PTPRK: variants seen among roughly 807,000 people sequenced by gnomAD.
PTPRK encodes the protein protein tyrosine phosphatase receptor type K.
In PTPRK, 75 loss-of-function variants were observed where a neutral mutation model predicts 178.0. The observed-to-expected ratio is 0.42, with a 90% CI of 0.35 to 0.51. PTPRK has a LOEUF of 0.51. Among genes scored for constraint, PTPRK ranks in the 20% least tolerant of loss-of-function variants. PTPRK has a pLI of 0.02. For synonymous variants in PTPRK, 637 were observed against 620.6 expected, an observed-to-expected ratio of 1.03 and a Z score of -0.39; for missense variants, 1,441 against 1,797.8, an observed-to-expected ratio of 0.80 and a Z score of 3.59.
chr6:128,127,041 A>T (rs1333903072), intron 7 of PTPRK, among the ~76,000 whole-genome samples: 1 of 152,042 alleles, frequency 6.6e-6, no homozygotes, highest in Non-Finnish European at 1.5e-5. Context: ...TGTTGAAAAG[A>T]CACTACTTTC....
intron 1 of PTPRK, among the ~76,000 whole-genome samples, chr6:128,430,837 G>A (rs1421214700): frequency 6.6e-6 from 1 of 152,122 alleles, no homozygotes. Context: ...GAGAAACCTG[G>A]AGACGTGAAC....
At chr6:128,494,989 C>T (rs1042940695) in intron 1 of PTPRK, among the ~76,000 whole-genome samples, 6 of 152,048 alleles carry the variant, frequency 3.9e-5, no homozygotes, top group Non-Finnish European at 8.8e-5. Context: ...CTCAACTCTC[C>T]GGTATGTGTT....
At chr6:128,030,475 A>G (rs1386581643) in intron 13 of PTPRK, among the ~76,000 whole-genome samples, 2 of 152,232 alleles carry the variant, frequency 1.3e-5, no homozygotes, top group Admixed American at 6.5e-5. Context: ...ACATCCTGAC[A>G]TTATCTGTAG....
chr6:128,024,393 C>T (rs1225157993), intron 13 of PTPRK, among the ~76,000 whole-genome samples: 4 of 152,084 alleles, frequency 2.6e-5, no homozygotes, highest in Non-Finnish European at 5.9e-5. Flanking sequence ...TCTTATTTAC[C>T]AGGATCATTT....
Position 128,330,966 on chromosome 6 carries a change from C to T in PTPRK, c.224-8656G>A, listed in dbSNP as rs1426988348. Among the ~76,000 whole-genome samples the T allele has an allele frequency of 3.9e-5, 6 of 152,192 alleles. 1 individual carries two copies. The highest frequency in any genetic ancestry group is 3.9e-4 in the Admixed American group (6 of 15,262). On this transcript the variant is annotated intron_variant, in intron 2 of 29. Coordinates refer to ENST00000368226, the MANE Select transcript of PTPRK (RefSeq NM_002844.4). ...ACTGGACCTTCCTCTGTTTGAAATG[C>T]TCTGTCCTCAGCTGGCTGATTTTCA...
intron 28 of PTPRK, among the ~76,000 whole-genome samples, 154 bp from the exon 29 acceptor site, chr6:127,973,311 A>G (rs1774156932): frequency 6.6e-6 from 1 of 152,200 alleles, no homozygotes; most frequent in Non-Finnish European, 1.5e-5. Context: ...GGCAGAGAGG[A>G]GAAAACTTGA....
At chr6:128,160,934 G>A (rs569211038) in intron 7 of PTPRK, among the ~76,000 whole-genome samples, 72 of 151,500 alleles carry the variant, frequency 4.8e-4, no homozygotes, top group Non-Finnish European at 8.1e-4. Flanking sequence ...TGGAACTGTA[G>A]AACCTATATT....
chr6:128,491,892 C>T (rs768515109), intron 1 of PTPRK: 24 of 474,854 alleles, frequency 5.1e-5, no homozygotes, highest in East Asian at 4.4e-4. Context: ...CTAATCTTCA[C>T]GGCAGGAAGA....
chr6:128,111,109 G>A (rs1426333884), intron 7 of PTPRK, among the ~76,000 whole-genome samples: 1 of 152,086 alleles, frequency 6.6e-6, no homozygotes, highest in Non-Finnish European at 1.5e-5. Flanking sequence ...CTATCGGTAG[G>A]CATATTTAAA....
chr6:128,173,170 T>G (rs1045319221), intron 7 of PTPRK, among the ~76,000 whole-genome samples: 2 of 151,984 alleles, frequency 1.3e-5, no homozygotes, highest in East Asian at 3.9e-4. Flanking sequence ...ACAATTAAAA[T>G]GCAGCTACAG....
intron 7 of PTPRK, among the ~76,000 whole-genome samples, chr6:128,096,454 G>A (rs80293196): frequency 7.9e-5 from 12 of 152,178 alleles, no homozygotes; most frequent in Admixed American, 3.3e-4. Flanking sequence ...TTTTTGTAGC[G>A]ATAATTTCTA....
At chr6:128,285,967 C>T (rs1426155636) in intron 3 of PTPRK, among the ~76,000 whole-genome samples, 5 of 152,076 alleles carry the variant, frequency 3.3e-5, no homozygotes, top group Non-Finnish European at 7.4e-5. Context: ...CCGTGATCCA[C>T]GAGCCCTCTG....
At chr6:128,013,770 C>G (rs570124326) in intron 13 of PTPRK, among the ~76,000 whole-genome samples, 1 of 151,596 alleles carries the variant, frequency 6.6e-6, no homozygotes, top group East Asian at 1.9e-4. Context: ...TTTTCCCATC[C>G]CCACTGCTAC....
At chr6:128,284,440 T>C (rs1434533801) in intron 3 of PTPRK, among the ~76,000 whole-genome samples, 2 of 152,338 alleles carry the variant, frequency 1.3e-5, no homozygotes, top group South Asian at 2.1e-4. Flanking sequence ...TACTGACCCA[T>C]GTGTGTTTGT....
At chr6:127,974,501 T>A (rs1033593603) in intron 27 of PTPRK, among the ~76,000 whole-genome samples, 1 of 152,234 alleles carries the variant, frequency 6.6e-6, no homozygotes, top group African/African-American at 2.4e-5. Flanking sequence ...TTGTCCCAGG[T>A]TGGCCTGGGA....
intron 7 of PTPRK, among the ~76,000 whole-genome samples, chr6:128,134,683 C>G (rs566483716): frequency 2.8e-4 from 43 of 152,242 alleles, no homozygotes; most frequent in African/African-American, 1.0e-3. Context: ...TGGTGGTGCA[C>G]ACCTATAGTC....
chr6:128,271,170 A>G (rs1819757138), intron 3 of PTPRK, among the ~76,000 whole-genome samples: 1 of 152,166 alleles, frequency 6.6e-6, no homozygotes, highest in Non-Finnish European at 1.5e-5. Flanking sequence ...TACAAACCTC[A>G]AAAAAGTCTT....
At chr6:128,206,926 T>C (rs1807083439) in intron 6 of PTPRK, among the ~76,000 whole-genome samples, 1 of 152,218 alleles carries the variant, frequency 6.6e-6, no homozygotes, top group African/African-American at 2.4e-5. Context: ...CAAGTTCCTG[T>C]CAACAACTAC....
intron 11 of PTPRK, among the ~76,000 whole-genome samples, chr6:128,069,618 G>A (rs182465422): frequency 3.3e-5 from 5 of 152,054 alleles, no homozygotes; most frequent in African/African-American, 9.6e-5. Context: ...CCAAACAAAT[G>A]TAACCTTATA....
Sources: gnomAD v4.1 joint callset for allele counts (sites outside exome capture counted in the v4.1 genomes callset) on GRCh38, gnomAD v4.1.1 for gene constraint, MANE v1.5 for transcripts, NCBI Gene and HGNC (gene_info 2026-07-23, HGNC 2026-07-21) for gene names.